Variants in CNBD1 observed in about 807,000 individuals in gnomAD.
CNBD1 encodes cyclic nucleotide binding domain containing 1.
Under a neutral mutation model 54.4 loss-of-function variants are expected in CNBD1, and 71 were observed. The ratio of observed to expected loss-of-function variants is 1.30; its 90% CI spans 1.08 to 1.59. The LOEUF is 1.59. Ranked by LOEUF, CNBD1 falls within the 40% of genes most tolerant of loss-of-function variation. The pLI, the probability that CNBD1 is intolerant of heterozygous loss-of-function variation, is 0.00. For synonymous variants in CNBD1, 182 were observed against 170.7 expected (o/e 1.07, Z -0.51); for missense variants, 659 against 518.0 (o/e 1.27, Z -2.64).
chr8:87,330,946 C>T (rs530068228), intron 8 of CNBD1, among the ~76,000 whole-genome samples: 1 of 152,184 alleles, frequency 6.6e-6, no homozygotes, highest in Non-Finnish European at 1.5e-5. Context: ...TTGATTCACT[C>T]TGACAATGTC....
chr8:87,211,864 AC>A (rs1377776029), intron 5 of CNBD1, among the ~76,000 whole-genome samples: 1 of 152,236 alleles, frequency 6.6e-6, no homozygotes, highest in Non-Finnish European at 1.5e-5. Flanking sequence ...AACTCATATA[AC>A]TTAGATATAA....
At chr8:87,107,778 G>A (rs751511185) in intron 4 of CNBD1, among the ~76,000 whole-genome samples, 1 of 152,106 alleles carries the variant, frequency 6.6e-6, no homozygotes, top group Non-Finnish European at 1.5e-5. Context: ...CTGACCAATG[G>A]CACTAGTCTA....
At chr8:86,935,017 G>GTTTGTTTATTTATTTA (rs749935209) in intron 3 of CNBD1, among the ~76,000 whole-genome samples, 2 of 65,840 alleles carry the variant, frequency 3.0e-5, no homozygotes, top group African/African-American at 7.3e-5. Flanking sequence ...TTGTTTGTTT[G>GTTTGTTTATTTATTTA]TTTATTTATT....
At chr8:87,391,019 C>T (rs1007992335) in intron 2 of CNBD1, among the ~76,000 whole-genome samples, 4 of 151,556 alleles carry the variant, frequency 2.6e-5, no homozygotes, top group African/African-American at 7.3e-5. Context: ...CATGTTCTCA[C>T]TCATAGGTGG....
intron 4 of CNBD1, among the ~76,000 whole-genome samples, chr8:87,134,555 C>T (rs1310695461): frequency 6.8e-6 from 1 of 147,848 alleles, no homozygotes; most frequent in Non-Finnish European, 1.5e-5. Flanking sequence ...ATTGTAATTG[C>T]CTTTTAAAAT....
At chr8:87,220,847 T>A (rs1563512037) in intron 5 of CNBD1, among the ~76,000 whole-genome samples, 3 of 112,648 alleles carry the variant, frequency 2.7e-5, no homozygotes, top group Admixed American at 9.6e-5. Context: ...AATCAAAATG[T>A]GGGTATATTT....
At chr8:87,275,666 A>G (rs2130862025) in intron 6 of CNBD1, among the ~76,000 whole-genome samples, 1 of 151,780 alleles carries the variant, frequency 6.6e-6, no homozygotes, top group African/African-American at 2.4e-5. Context: ...CTGGCACAAG[A>G]CAGGGATGCC....
chr8:87,332,697 G>T (rs967953529), intron 8 of CNBD1, among the ~76,000 whole-genome samples: 3 of 152,056 alleles, frequency 2.0e-5, no homozygotes, highest in African/African-American at 7.3e-5. Flanking sequence ...TAGATATGTG[G>T]TCTTATTTCT....
intron 4 of CNBD1, among the ~76,000 whole-genome samples, chr8:87,189,080 C>T (rs1813544709): frequency 6.6e-6 from 1 of 151,528 alleles, no homozygotes; most frequent in Admixed American, 6.6e-5. Context: ...ATGTAGAAAA[C>T]CTTCAATAAA....
At chr8:87,266,436 A>AAAATTTT (rs71503464) in intron 6 of CNBD1, among the ~76,000 whole-genome samples, 5 of 76,216 alleles carry the variant, frequency 6.6e-5, no homozygotes, top group Non-Finnish European at 1.3e-4. Context: ...AAAAAAAAAA[A>AAAATTTT]TCTTTTTTTT....
chr8:87,393,856 A>G (rs1312878683), intron 2 of CNBD1, among the ~76,000 whole-genome samples: 1 of 151,792 alleles, frequency 6.6e-6, no homozygotes, highest in Non-Finnish European at 1.5e-5. Context: ...TCAAAACTGG[A>G]GAGAACAAAT....
At chr8:87,406,710 C>A (rs530232811) in intron 2 of CNBD1, among the ~76,000 whole-genome samples, 66 of 152,100 alleles carry the variant, frequency 4.3e-4, no homozygotes, top group South Asian at 3.5e-3. Context: ...AAACTGCTGA[C>A]CTTGTGATCT....
chr8:87,390,589 CAA>C (rs1554586225), intron 2 of CNBD1, among the ~76,000 whole-genome samples: 3 of 152,072 alleles, frequency 2.0e-5, no homozygotes, highest in Admixed American at 6.6e-5. Context: ...AGTCAGGAAA[CAA>C]GAGGTGCTGG....
intron 3 of CNBD1, among the ~76,000 whole-genome samples, chr8:86,911,036 C>T (rs1473796975): frequency 6.6e-6 from 1 of 152,200 alleles, no homozygotes; most frequent in African/African-American, 2.4e-5. Context: ...CTACCTCACC[C>T]TAATCTTTTA....
At chr8:87,295,215 A>G (rs1808857285) in intron 8 of CNBD1, among the ~76,000 whole-genome samples, 1 of 151,858 alleles carries the variant, frequency 6.6e-6, no homozygotes, top group Non-Finnish European at 1.5e-5. Context: ...ATGTTATAGT[A>G]TAACAATGCA....
chr8:86,906,616 G>A (rs571816731), intron 3 of CNBD1, among the ~76,000 whole-genome samples: 2 of 152,212 alleles, frequency 1.3e-5, no homozygotes, highest in South Asian at 4.1e-4. Flanking sequence ...TTCTAATCTT[G>A]TTGATTAGAA....
rs567501407 is a variant in CNBD1 at position 87,421,994 on chromosome 8, G to A, written c.214-6552G>A. On this transcript the variant is annotated intron_variant, in intron 2 of 7. Coordinates refer to the CNBD1 transcript ENST00000521593. ...AACTGGTATGAGATGGTATCTCATT[G>A]TGGTTTTGATTTGCATTTCTCTGAT... Among the ~76,000 whole-genome samples the A allele has an allele frequency of 8.4e-3, 1,254 of 149,946 alleles. 5 individuals are homozygous for A. Among genetic ancestry groups the A allele is most frequent in the Non-Finnish European group, 0.014 (949 of 67,826 alleles).
At chr8:87,279,996 G>T (rs973981784) in intron 6 of CNBD1, among the ~76,000 whole-genome samples, 2 of 151,322 alleles carry the variant, frequency 1.3e-5, no homozygotes, top group Non-Finnish European at 3.0e-5. Flanking sequence ...AATTGAAAAG[G>T]TGATCCTCTT....
chr8:87,369,843 A>G (rs1297452966), intron 10 of CNBD1, among the ~76,000 whole-genome samples: 3 of 151,954 alleles, frequency 2.0e-5, no homozygotes, highest in African/African-American at 4.8e-5. Context: ...GTCATTTAGC[A>G]TTAGGTATAT....
Sources: gnomAD v4.1 joint callset for allele counts (sites outside exome capture counted in the v4.1 genomes callset) on GRCh38, gnomAD v4.1.1 for gene constraint, MANE v1.5 for transcripts, NCBI Gene and HGNC (gene_info 2026-07-23, HGNC 2026-07-21) for gene names.